The following GREB1L variants were observed in gnomAD, a reference collection of about 807,000 sequenced individuals.
The protein encoded by GREB1L is GREB1 like retinoic acid receptor coactivator, also known as GREB1-like protein.
In GREB1L, 17 loss-of-function variants were observed where a neutral mutation model predicts 200.8. That is an observed-to-expected ratio of 0.08 (90% CI 0.06 to 0.13). The LOEUF is 0.13. GREB1L is among the 10% of genes least tolerant of loss of function. The pLI is 1.00. For missense variants in GREB1L, 1,657 were observed against 2,367.7 expected, an observed-to-expected ratio of 0.70 and a Z score of 6.23; for synonymous variants, 789 against 893.0, an observed-to-expected ratio of 0.88 and a Z score of 2.08.
At chr18:21,438,148 C>T (rs1009660970) in intron 7 of GREB1L, among the ~76,000 whole-genome samples, 13 of 152,200 alleles carry the variant, frequency 8.5e-5, no homozygotes, top group African/African-American at 2.9e-4. Flanking sequence ...GTGATACATG[C>T]CTGTAGCCCC....
chr18:21,484,932 C>T (rs1426541732), intron 17 of GREB1L, among the ~76,000 whole-genome samples: 7 of 152,120 alleles, frequency 4.6e-5, no homozygotes, highest in Non-Finnish European at 8.8e-5. Flanking sequence ...AAGCTACAAA[C>T]AAAAACAGAT....
intron 16 of GREB1L, among the ~76,000 whole-genome samples, chr18:21,473,460 T>G (rs1210633059): frequency 6.6e-6 from 1 of 151,434 alleles, no homozygotes; most frequent in Non-Finnish European, 1.5e-5. Flanking sequence ...ATCCCAGTAC[T>G]TGGGAGGCTG....
At chr18:21,496,263 GA>G (rs1288055453) in intron 20 of GREB1L, among the ~76,000 whole-genome samples, 190 bp from the exon 21 acceptor site, 4 of 152,106 alleles carry the variant, frequency 2.6e-5, no homozygotes, top group African/African-American at 4.8e-5. Context: ...TATATTCGAA[GA>G]AAATGAAGCA....
chr18:21,522,922 C>G lies in GREB1L; in HGVS notation c.*101C>G. The G allele has an allele frequency of 9.6e-7, 1 of 1,036,384 alleles. No individual in the cohort carries two copies. The highest frequency in any genetic ancestry group is 1.8e-5 in the South Asian group (1 of 55,452). 64.2% of individuals were successfully genotyped at this position (1,036,384 alleles called of 1,614,324 possible). On this transcript the variant is annotated 3_prime_UTR_variant, in exon 33 of 33. Coordinates refer to ENST00000424526, the MANE Select transcript of GREB1L (RefSeq NM_001142966.3). ...CCTTTAAAGTACAATCACTGTGGAG[C>G]AAAGTGCAACATATTTGTCTAAATT...
chr18:21,451,348 T>C, intron 13 of GREB1L, 197 bp downstream of exon 13: 1 of 499,292 alleles, frequency 2.0e-6, no homozygotes, highest in Non-Finnish European at 3.4e-6. Flanking sequence ...CCATTGGTAC[T>C]GGATTCAAAA....
chr18:21,268,219 C>T (rs759887730), intron 1 of GREB1L, among the ~76,000 whole-genome samples: 6 of 151,742 alleles, frequency 4.0e-5, no homozygotes, highest in Admixed American at 6.6e-5. Flanking sequence ...CCATAGAAGG[C>T]CTTTCATATT....
At chr18:21,519,598 C>G (rs8092123) in intron 31 of GREB1L, among the ~76,000 whole-genome samples, 1 of 152,172 alleles carries the variant, frequency 6.6e-6, no homozygotes, top group Non-Finnish European at 1.5e-5. Flanking sequence ...CAGGGCTCTA[C>G]GTATTAACAC....
intron 7 of GREB1L, among the ~76,000 whole-genome samples, chr18:21,411,298 C>A (rs1436523411): frequency 1.3e-5 from 2 of 151,954 alleles, no homozygotes; most frequent in East Asian, 3.9e-4. Context: ...GCCCCGCCTC[C>A]CGGGTTCACA....
intron 7 of GREB1L, among the ~76,000 whole-genome samples, chr18:21,418,839 A>G (rs1429674577): frequency 6.6e-6 from 1 of 152,104 alleles, no homozygotes; most frequent in Non-Finnish European, 1.5e-5. Context: ...TTTGTTTTTC[A>G]TAATTCAGTT....
chr18:21,431,953 C>T (rs1161637566), intron 7 of GREB1L, among the ~76,000 whole-genome samples: 2 of 119,130 alleles, frequency 1.7e-5, no homozygotes, highest in African/African-American at 3.3e-5. Context: ...GACAGAGTCT[C>T]ACTCTGTCGC....
intron 31 of GREB1L, 77 bp from the exon 32 acceptor site, chr18:21,520,611 A>G: frequency 7.0e-7 from 1 of 1,433,720 alleles, no homozygotes; most frequent in Non-Finnish European, 9.6e-7. Flanking sequence ...AAAGGAAGGT[A>G]CTGAGTCATT....
intron 7 of GREB1L, among the ~76,000 whole-genome samples, chr18:21,422,027 A>G (rs1372962218): frequency 3.9e-5 from 6 of 152,228 alleles, no homozygotes; most frequent in African/African-American, 1.4e-4. Context: ...ACAAACTACC[A>G]CAATGTAGAG....
At chr18:21,492,853 A>T (rs2036395440) in intron 19 of GREB1L, among the ~76,000 whole-genome samples, 1 of 152,186 alleles carries the variant, frequency 6.6e-6, no homozygotes. Flanking sequence ...TGGGAGCCTG[A>T]GGCAGGAGGT....
chr18:21,456,437 C>T (rs762072297), intron 15 of GREB1L, among the ~76,000 whole-genome samples: 3 of 152,148 alleles, frequency 2.0e-5, no homozygotes, highest in Non-Finnish European at 4.4e-5. Flanking sequence ...TTCTCATATG[C>T]TCCATAAATA....
At chr18:21,448,551 G>A (rs1196326894) in intron 11 of GREB1L, among the ~76,000 whole-genome samples, 1 of 152,122 alleles carries the variant, frequency 6.6e-6, no homozygotes, top group African/African-American at 2.4e-5. Context: ...TCCATAAGGG[G>A]CTTTTAGCCA....
intron 17 of GREB1L, among the ~76,000 whole-genome samples, chr18:21,481,068 C>G (rs2035895441): frequency 6.6e-6 from 1 of 151,986 alleles, no homozygotes; most frequent in African/African-American, 2.4e-5. Flanking sequence ...AAGTACATAT[C>G]TAAGTCACTA....
chr18:21,463,186 C>A (rs1183816105), intron 15 of GREB1L, among the ~76,000 whole-genome samples: 1 of 145,754 alleles, frequency 6.9e-6, no homozygotes, highest in Non-Finnish European at 1.5e-5. Flanking sequence ...CGCTCTGTCC[C>A]CCAGGCTGGA....
At chr18:21,316,351 A>G (rs2038868564) in intron 1 of GREB1L, among the ~76,000 whole-genome samples, 1 of 152,198 alleles carries the variant, frequency 6.6e-6, no homozygotes, top group South Asian at 2.1e-4. Flanking sequence ...TCTAAGTGGT[A>G]GAAGATAGAT....
chr18:21,404,193 G>C (rs772088512), intron 7 of GREB1L, among the ~76,000 whole-genome samples, 199 bp downstream of exon 7: 1 of 152,210 alleles, frequency 6.6e-6, no homozygotes, highest in Non-Finnish European at 1.5e-5. Flanking sequence ...TCACAGTCCT[G>C]ACAGCTGGTA....
Sources: allele counts gnomAD v4.1 joint callset (sites outside exome capture counted in the v4.1 genomes callset), GRCh38; gene constraint gnomAD v4.1.1; transcripts MANE v1.5; gene names NCBI Gene and HGNC (gene_info 2026-07-23, HGNC 2026-07-21).